Variants in KHDRBS2 observed in about 807,000 individuals in gnomAD.
KHDRBS2 encodes the protein KH domain-containing, RNA-binding, signal transduction-associated protein 2.
Under a neutral mutation model 44.3 loss-of-function variants are expected in KHDRBS2, and 26 were observed. The ratio of observed to expected loss-of-function variants is 0.59; its 90% confidence interval spans 0.43 to 0.81. The LOEUF (loss-of-function observed/expected upper bound fraction) is 0.81. KHDRBS2 is among the 40% of genes least tolerant of loss of function. The probability of loss-of-function intolerance (pLI) is 0.00; values close to 1 mark genes in which losing one functional copy is unlikely to be tolerated. For missense variants in KHDRBS2, 476 were observed against 433.1 expected, an observed-to-expected ratio of 1.10 and a Z score of -0.88; for synonymous variants, 194 against 151.1, an observed-to-expected ratio of 1.28 and a Z score of -2.08.
chr6:62,284,651 T>A (rs1327472465), intron 1 of KHDRBS2, among the ~76,000 whole-genome samples: 2 of 152,170 alleles, frequency 1.3e-5, no homozygotes, highest in Admixed American at 6.5e-5. Flanking sequence ...ACAGTTTAGT[T>A]ATTTCACATG....
chr6:61,626,223 T>G, the KHDRBS2 span, among the ~76,000 whole-genome samples: 1 of 152,216 alleles, frequency 6.6e-6, no homozygotes, highest in South Asian at 2.1e-4. Flanking sequence ...TTTTATATAG[T>G]TTTTAATTGT....
chr6:61,721,425 T>C (rs982069229), intron 7 of KHDRBS2, among the ~76,000 whole-genome samples: 1 of 150,872 alleles, frequency 6.6e-6, no homozygotes, highest in Non-Finnish European at 1.5e-5. Context: ...GGAATGTTCT[T>C]CCATTTGTTT....
At chr6:61,878,334 T>G (rs1258220786) in intron 6 of KHDRBS2, among the ~76,000 whole-genome samples, 1 of 152,070 alleles carries the variant, frequency 6.6e-6, no homozygotes, top group Non-Finnish European at 1.5e-5. Context: ...ATTGTACTAC[T>G]TTTCCCCTAA....
intron 2 of KHDRBS2, among the ~76,000 whole-genome samples, chr6:62,092,025 TA>T (rs1799582812): frequency 1.3e-5 from 2 of 152,158 alleles, no homozygotes; most frequent in East Asian, 3.8e-4. Flanking sequence ...AAAGATAATA[TA>T]AAATTACCCT....
At chr6:61,697,315 A>C in intron 7 of KHDRBS2, 62 bp from the exon 8 acceptor site, 14 of 1,079,008 alleles carry the variant, frequency 1.3e-5, no homozygotes, top group Non-Finnish European at 1.9e-5. Flanking sequence ...CCAGAAACTC[A>C]TATGGAATTT....
intron 2 of KHDRBS2, among the ~76,000 whole-genome samples, chr6:62,058,332 G>T (rs1401060634): frequency 6.6e-6 from 1 of 151,772 alleles, no homozygotes. Context: ...ATCATTCGTT[G>T]ATACTCAAAT....
chr6:61,781,578 C>T (rs1376550206), intron 6 of KHDRBS2, among the ~76,000 whole-genome samples: 2 of 152,170 alleles, frequency 1.3e-5, no homozygotes, highest in African/African-American at 2.4e-5. Flanking sequence ...ATAACCTTTT[C>T]TCCCTGTTTA....
At chr6:62,208,859 T>G in intron 1 of KHDRBS2, among the ~76,000 whole-genome samples, 1 of 152,210 alleles carries the variant, frequency 6.6e-6, no homozygotes, top group East Asian at 1.9e-4. Flanking sequence ...TTCATAGATA[T>G]TGGCCATCTG....
chr6:62,183,773 G>A (rs935764165), intron 1 of KHDRBS2, among the ~76,000 whole-genome samples: 5 of 151,586 alleles, frequency 3.3e-5, no homozygotes, highest in African/African-American at 1.2e-4. Context: ...TAACAATAGG[G>A]TAGAATGCCA....
chr6:62,105,598 G>A (rs1803020759), intron 2 of KHDRBS2, among the ~76,000 whole-genome samples: 1 of 152,114 alleles, frequency 6.6e-6, no homozygotes, highest in Admixed American at 6.5e-5. Context: ...ATGGTAGTTT[G>A]TATTTCTGTG....
chr6:62,078,288 A>T (rs1796726293), intron 2 of KHDRBS2, among the ~76,000 whole-genome samples: 1 of 152,068 alleles, frequency 6.6e-6, no homozygotes, highest in Admixed American at 6.6e-5. Flanking sequence ...GTAATAGATG[A>T]TGCTATAAAA....
chr6:62,141,409 C>T (rs1220359847), intron 2 of KHDRBS2, among the ~76,000 whole-genome samples: 1 of 152,100 alleles, frequency 6.6e-6, no homozygotes, highest in Non-Finnish European at 1.5e-5. Flanking sequence ...AAATATAAAT[C>T]ATTTGGCCTT....
intron 4 of KHDRBS2, among the ~76,000 whole-genome samples, chr6:61,926,936 T>C (rs1205122426): frequency 1.3e-5 from 2 of 152,018 alleles, no homozygotes; most frequent in Non-Finnish European, 2.9e-5. Context: ...ATGAAAAACT[T>C]TGGGGAAGAT....
At chr6:61,731,868 A>T (rs1363458876) in intron 7 of KHDRBS2, among the ~76,000 whole-genome samples, 1 of 152,108 alleles carries the variant, frequency 6.6e-6, no homozygotes, top group Non-Finnish European at 1.5e-5. Flanking sequence ...CAAAAATAAA[A>T]TCCACACTCA....
At chr6:61,723,874 G>T (rs979810839) in intron 7 of KHDRBS2, among the ~76,000 whole-genome samples, 1 of 152,124 alleles carries the variant, frequency 6.6e-6, no homozygotes, top group South Asian at 2.1e-4. Context: ...GAGGGAGAAT[G>T]GAACGAAGTT....
chr6:62,018,183 CAAAATATACAAATATA>C (rs1189090093), intron 3 of KHDRBS2, among the ~76,000 whole-genome samples: 2 of 149,180 alleles, frequency 1.3e-5, no homozygotes, highest in African/African-American at 4.9e-5. Flanking sequence ...TGCTCCGTCT[CAAAATATACAAATATA>C]AAAATATACA....
At chr6:61,949,184 T>A (rs1764238472) in intron 4 of KHDRBS2, among the ~76,000 whole-genome samples, 1 of 152,098 alleles carries the variant, frequency 6.6e-6, no homozygotes, top group Admixed American at 6.6e-5. Context: ...TGAGAATAAT[T>A]AACCTCTTTT....
chr6:61,544,468 AAAATAGC>A, the KHDRBS2 span, among the ~76,000 whole-genome samples: 2 of 152,122 alleles, frequency 1.3e-5, no homozygotes, highest in East Asian at 1.9e-4. Context: ...CCTCCAAGCT[AAAATAGC>A]AAATAGCAAA....
At chr6:61,762,530 T>C in intron 6 of KHDRBS2, among the ~76,000 whole-genome samples, 1 of 152,118 alleles carries the variant, frequency 6.6e-6, no homozygotes, top group Admixed American at 6.6e-5. Context: ...GTTGTTTGAA[T>C]CTTGCACCTC....
Sources: allele counts gnomAD v4.1 joint callset (sites outside exome capture counted in the v4.1 genomes callset), GRCh38; gene constraint gnomAD v4.1.1; transcripts MANE v1.5; gene names NCBI Gene and HGNC (gene_info 2026-07-23, HGNC 2026-07-21).